Variants in TOP1MT observed in about 807,000 individuals in gnomAD.
The protein encoded by TOP1MT is DNA topoisomerase I, mitochondrial.
Under a neutral mutation model 73.9 loss-of-function variants are expected in TOP1MT, and 80 were observed. The observed-to-expected ratio is 1.08, with a 90% CI of 0.90 to 1.30. The LOEUF (loss-of-function observed/expected upper bound fraction) is 1.30. Among genes scored for constraint, TOP1MT ranks in the 50% most tolerant of loss-of-function variants. The pLI, the probability that TOP1MT is intolerant of heterozygous loss-of-function variation, is 0.00. For synonymous variants in TOP1MT, 338 were observed against 326.4 expected (o/e 1.04, Z -0.38); for missense variants, 815 against 808.0 (o/e 1.01, Z -0.10).
chr8:143,333,161 T>C (rs1431552295), intron 1 of TOP1MT, among the ~76,000 whole-genome samples: 4 of 149,886 alleles, frequency 2.7e-5, no homozygotes, highest in Admixed American at 2.7e-4. Flanking sequence ...AACTAACTGA[T>C]AGGAGCCAGG....
chr8:143,359,403 C>A (rs1233165532), upstream of TOP1MT: 1 of 985,310 alleles, frequency 1.0e-6, no homozygotes, highest in African/African-American at 1.7e-5. Context: ...AAAGCCGTCA[C>A]TCTGGGGCAG....
chr8:143,321,940 G>A (rs1467271177), intron 7 of TOP1MT, among the ~76,000 whole-genome samples: 6 of 32,468 alleles, frequency 1.8e-4, no homozygotes, highest in African/African-American at 2.4e-4. Context: ...CGCCACACAC[G>A]CACGCCACAC....
At chr8:143,321,633 CAG>C (rs1554620009) in intron 7 of TOP1MT, among the ~76,000 whole-genome samples, 9 of 39,868 alleles carry the variant, frequency 2.3e-4, no homozygotes, top group African/African-American at 4.4e-4. Context: ...ACGCCACACA[CAG>C]GCACGCCACA....
At chr8:143,323,166 CCA>C (rs1231089398) in intron 7 of TOP1MT, among the ~76,000 whole-genome samples, 17 of 86,360 alleles carry the variant, frequency 2.0e-4, no homozygotes, top group South Asian at 5.0e-4. Flanking sequence ...CACAGGCACG[CCA>C]CACACACAGG....
intron 10 of TOP1MT, among the ~76,000 whole-genome samples, chr8:143,316,468 T>A (rs1219820533): frequency 1.4e-5 from 2 of 146,058 alleles, no homozygotes; most frequent in Non-Finnish European, 3.0e-5. Flanking sequence ...CTGGCGAGTC[T>A]GTGGGTCCCT....
intron 2 of TOP1MT, among the ~76,000 whole-genome samples, chr8:143,342,853 C>T (rs974969240): frequency 8.7e-5 from 13 of 148,612 alleles, no homozygotes; most frequent in African/African-American, 2.8e-4. Context: ...GGCGTGATCT[C>T]GGCTCACTGC....
chr8:143,318,869 A>G (rs983813631), intron 8 of TOP1MT, among the ~76,000 whole-genome samples: 54 of 147,140 alleles, frequency 3.7e-4, no homozygotes, highest in African/African-American at 1.4e-3. Context: ...TTCTTCCCTC[A>G]TCTTCCTCTA....
In TOP1MT at chr8:143,326,174, C is replaced by T. The variant is rs201802171; in HGVS notation, c.483+48G>A. The T allele has an allele frequency of 5.2e-3, 8,366 of 1,604,590 alleles. 37 individuals carry two copies. Among genetic ancestry groups the T allele is most frequent in the Non-Finnish European group, 6.1e-3 (7,217 of 1,174,674 alleles). On this transcript the variant is annotated intron_variant, in intron 4 of 13. Transcript: ENST00000329245. ...CAGTCTTTGGGCCAGGCCGGCCTCT[C>T]GTTCCCAGGGGCCACTTCAGGTCAC...
intron 1 of TOP1MT, chr8:143,331,697 T>C (rs1349563088): frequency 1.0e-5 from 2 of 194,290 alleles, no homozygotes; most frequent in African/African-American, 4.6e-5. Context: ...GTCTAGAATC[T>C]TCGGGAACCT....
intron 1 of TOP1MT, among the ~76,000 whole-genome samples, chr8:143,333,008 T>C (rs1331232721): frequency 6.6e-6 from 1 of 152,176 alleles, no homozygotes; most frequent in East Asian, 1.9e-4. Flanking sequence ...CCAGCCCTGA[T>C]ACAGCATGTC....
upstream of TOP1MT, among the ~76,000 whole-genome samples, chr8:143,348,613 G>A (rs573835874): frequency 6.6e-6 from 1 of 152,098 alleles, no homozygotes; most frequent in Non-Finnish European, 1.5e-5. This position sits in a 1 kb window ranked among gnomAD's most constrained non-coding sequence, Gnocchi z 4.6. Flanking sequence ...GGGTGGGGGG[G>A]GGTGGGGGCC....
At position 143,334,741 on chromosome 8, in the gene TOP1MT, T is replaced by C; in HGVS notation, c.121A>G (p.Arg41Gly). 6.2e-7 allele frequency: 1 copy of C among 1,601,148 alleles called. No homozygotes were observed. The highest frequency in any genetic ancestry group is 8.5e-7 in the Non-Finnish European group (1 of 1,174,878). Residue 41 changes from arginine to glycine, a missense_variant and splice_region_variant, in exon 1 of 14, where the codon AGG becomes GGG. Arg to Gly is a moderately radical substitution (Grantham distance 125). Around this residue, in one of 3 missense-constraint regions of TOP1MT, gnomAD observed 60 missense variants for 65.9 expected, o/e 0.91. Coordinates refer to ENST00000329245, the MANE Select transcript of TOP1MT (RefSeq NM_052963.3). ...SRRTQKGSGARWEKEKHEDGV... is the reference protein window; with the variant it reads ...SRRTQKGSGAGWEKEKHEDGV... ...CGCCTGCTCACTGGGACACCTTACCTGGCTCCACTGCCCTTCTGCGTCCTG... is the reference window on the plus strand; with the variant it reads ...CGCCTGCTCACTGGGACACCTTACCCGGCTCCACTGCCCTTCTGCGTCCTG...
At chr8:143,320,998 G>A (rs142083243) in intron 8 of TOP1MT, among the ~76,000 whole-genome samples, 2 of 152,286 alleles carry the variant, frequency 1.3e-5, no homozygotes, top group East Asian at 3.9e-4. Context: ...CCCCCGACCA[G>A]CTCCCTTGTG....
intron 7 of TOP1MT, among the ~76,000 whole-genome samples, chr8:143,322,231 ACACATGCATGC>A (rs1816448568): frequency 1.5e-5 from 1 of 68,598 alleles, no homozygotes; most frequent in Non-Finnish European, 2.8e-5. Flanking sequence ...GGCACGCCAC[ACACATGCATGC>A]CACACACGCA....
intron 7 of TOP1MT, among the ~76,000 whole-genome samples, chr8:143,322,225 C>T (rs1352528475): frequency 1.4e-5 from 1 of 72,890 alleles, no homozygotes; most frequent in African/African-American, 5.1e-5. Context: ...CACACAGGCA[C>T]GCCACACACA....
intron 11 of TOP1MT, 79 bp from the exon 12 acceptor site, chr8:143,315,900 C>CG: frequency 1.2e-6 from 2 of 1,604,596 alleles, no homozygotes; most frequent in Non-Finnish European, 1.7e-6. Context: ...CCACACCCTA[C>CG]GTGCCCACCG....
chr8:143,334,966 A>G, upstream of TOP1MT: 16 of 1,128,756 alleles, frequency 1.4e-5, no homozygotes, highest in Non-Finnish European at 1.1e-5. Context: ...CTCCGCCCCC[A>G]GCGGCGCTCA....
chr8:143,349,692 G>A (rs141250411), upstream of TOP1MT, among the ~76,000 whole-genome samples: 300 of 151,046 alleles, frequency 2.0e-3, 1 homozygote, highest in African/African-American at 7.0e-3. Flanking sequence ...CCAGGTTGGA[G>A]TGCAGTGGCA....
rs1386665970 is a variant in TOP1MT, at chr8:143,342,406, TTATTA to T, written c.29+809_29+813del. Among the ~76,000 whole-genome samples, 2 of 141,450 alleles carry T rather than the reference TTATTA, an allele frequency of 1.4e-5. 1 individual carries two copies. Among genetic ancestry groups the T allele is most frequent in the African/African-American group, 5.8e-5 (2 of 34,240 alleles). The allele number at this position is 141,450 out of a possible 152,430, so 92.8% of individuals were successfully genotyped here. On this transcript the variant is annotated intron_variant, in intron 2 of 5. Transcript: ENST00000518007. ...CAGAGCCTCGCTGTTATTATTATTATTATTAGAGACAGAGTCTCGCTCTGTTATTA... is the reference window on the plus strand; with the variant it reads ...CAGAGCCTCGCTGTTATTATTATTATGAGACAGAGTCTCGCTCTGTTATTA...
Sources: allele counts gnomAD v4.1 joint callset (sites outside exome capture counted in the v4.1 genomes callset), GRCh38; gene constraint gnomAD v4.1.1; regional missense constraint gnomAD v4.1.1; non-coding constraint Gnocchi (gnomAD v3.1); transcripts MANE v1.5; gene names NCBI Gene and HGNC (gene_info 2026-07-23, HGNC 2026-07-21).